TMEM132B: variants seen among roughly 807,000 people sequenced by gnomAD.
TMEM132B encodes the protein transmembrane protein 132B.
A neutral mutation model predicts 90.8 loss-of-function variants in TMEM132B; 18 were observed. That is an observed-to-expected ratio of 0.20 (90% confidence interval 0.14 to 0.29). The LOEUF (loss-of-function observed/expected upper bound fraction) is 0.29. TMEM132B is among the 10% of genes least tolerant of loss of function. The pLI, the probability that TMEM132B is intolerant of heterozygous loss-of-function variation, is 1.00. For synonymous variants in TMEM132B, 504 were observed against 523.3 expected, an observed-to-expected ratio of 0.96 and a Z score of 0.50; for missense variants, 1,096 against 1,326.8, an observed-to-expected ratio of 0.83 and a Z score of 2.70.
intron 1 of TMEM132B, among the ~76,000 whole-genome samples, chr12:125,312,507 G>A (rs1442688773): frequency 6.6e-6 from 1 of 152,208 alleles, no homozygotes; most frequent in African/African-American, 2.4e-5. Flanking sequence ...CTGTTGCTGG[G>A]GTGGCCCTCT....
At chr12:125,285,652 CAGA>C (rs1364384622) in intron 1 of TMEM132B, among the ~76,000 whole-genome samples, 2 of 152,206 alleles carry the variant, frequency 1.3e-5, no homozygotes, top group Non-Finnish European at 2.9e-5. Context: ...GTGGTTCCCA[CAGA>C]AGGAGTCCTA....
chr12:125,637,636 G>A (rs931602242), intron 5 of TMEM132B, among the ~76,000 whole-genome samples: 4 of 152,188 alleles, frequency 2.6e-5, no homozygotes, highest in East Asian at 1.9e-4. Context: ...GAGAAAAAAT[G>A]TTGCATTTCC....
In TMEM132B at chr12:125,212,319, G is replaced by A. The variant is rs116006953; in HGVS notation, c.67+25453G>A. Among the ~76,000 whole-genome samples the A allele has an allele frequency of 6.4e-3, 838 of 130,804 alleles. 5 individuals carry two copies. Among genetic ancestry groups the A allele is most frequent in the African/African-American group, 0.025 (815 of 32,428 alleles). 85.8% of individuals were successfully genotyped at this position (130,804 alleles called of 152,430 possible). A position where few individuals can be genotyped will look rare whatever the true frequency, so the allele number is the denominator to read the frequency against. On this transcript the variant is annotated intron_variant, in intron 1 of 8. Transcript: ENST00000682704. ...ACCTGGGTACTTTTCCTGTTTAGTC[G>A]CTCACATATTAATAAATTAATTAAT...
Position 125,519,596 on chromosome 12 carries a change from A to C in TMEM132B, c.1264A>C (p.Thr422Pro). ...VVSEIFVSQT[T>P]FVGIVPLAMD... Reference sequence around the variant, plus strand: ...CTCCGAGATCTTCGTCAGCCAGACAACCTTCGTGGGCATCGTCCCTCTTGC... The same window carrying C: ...CTCCGAGATCTTCGTCAGCCAGACACCCTTCGTGGGCATCGTCCCTCTTGC... The change falls in exon 4 of 9, where the codon ACC becomes CCC. Residue 422 changes from threonine (T) to proline (P), a missense_variant. Transcript: ENST00000682704. 6.2e-7 allele frequency: 1 copy of C among 1,614,116 alleles called. No individual in the cohort carries two copies. The highest frequency in any genetic ancestry group is 8.5e-7 in the Non-Finnish European group (1 of 1,180,032).
Position 125,661,410 on chromosome 12 carries a change from G to A in TMEM132B, c.*6700G>A, listed in dbSNP as rs1887202880. The A allele has an allele frequency of 6.6e-6, 1 of 152,110 alleles. No homozygotes were observed. Among genetic ancestry groups the A allele is most frequent in the Non-Finnish European group, 1.5e-5 (1 of 68,032 alleles). 9.4% of individuals were successfully genotyped at this position (152,110 alleles called of 1,614,324 possible). On this transcript the variant is annotated 3_prime_UTR_variant, in exon 9 of 9. Coordinates refer to ENST00000682704, the MANE Select transcript of TMEM132B (RefSeq NM_001366854.1). The stretch of plus-strand genomic sequence containing the variant: ...TCAGCCTTCTCATTTCATTAATCTG[G>A]TTGGTGACCGTTTCCATCGGGCACA...
intron 3 of TMEM132B, among the ~76,000 whole-genome samples, chr12:125,473,252 C>T (rs951151251): frequency 3.9e-5 from 6 of 152,210 alleles, no homozygotes; most frequent in Non-Finnish European, 8.8e-5. Context: ...GGGTCCCCCT[C>T]CTTCTATAGG....
chr12:125,630,587 A>C (rs926164316), intron 5 of TMEM132B, among the ~76,000 whole-genome samples: 2 of 152,054 alleles, frequency 1.3e-5, no homozygotes, highest in African/African-American at 4.8e-5. Flanking sequence ...TCAAAAAACC[A>C]ATTTTAGAAA....
At chr12:125,364,330 C>G (rs1402674919) in intron 2 of TMEM132B, among the ~76,000 whole-genome samples, 1 of 152,048 alleles carries the variant, frequency 6.6e-6, no homozygotes, top group African/African-American at 2.4e-5. Context: ...TTAAACATGA[C>G]AAAGTTAAAA....
At chr12:125,605,370 G>C (rs1363710647) in intron 5 of TMEM132B, among the ~76,000 whole-genome samples, 1 of 152,158 alleles carries the variant, frequency 6.6e-6, no homozygotes, top group African/African-American at 2.4e-5. Flanking sequence ...AAATAAGTTA[G>C]TGTTGGTGGC....
intron 1 of TMEM132B, among the ~76,000 whole-genome samples, chr12:125,324,342 T>C (rs1314084454): frequency 1.3e-5 from 2 of 152,194 alleles, no homozygotes; most frequent in Admixed American, 6.5e-5. Context: ...GTAGAATTAC[T>C]GCCTCCACGA....
In TMEM132B at chr12:125,653,853, G is replaced by A; in HGVS notation, c.2395G>A (p.Asp799Asn). ...NVKVKFEPSS[D>N]EHQGGSNDIE... The stretch of plus-strand genomic sequence containing the variant: ...CAAGGTCAAATTCGAACCAAGTAGT[G>A]ATGAGCACCAAGGAGGCAGCAATGA... Residue 799 changes from aspartate (D) to asparagine (N), a missense_variant, in exon 9 of 9, where the codon GAT (aspartate) becomes AAT (asparagine). Physicochemically the swap from Asp to Asn is conservative, Grantham distance 23. Transcript: ENST00000682704. 6.2e-7 allele frequency: 1 copy of A among 1,614,166 alleles called. No individual in the cohort carries two copies. Among genetic ancestry groups the A allele is most frequent in the Non-Finnish European group, 8.5e-7 (1 of 1,180,034 alleles).
intron 1 of TMEM132B, among the ~76,000 whole-genome samples, chr12:125,311,182 A>G (rs1370814079): frequency 1.3e-5 from 2 of 152,034 alleles, no homozygotes; most frequent in African/African-American, 4.8e-5. Flanking sequence ...TTTCTTACGG[A>G]TGCTCCTGGC....
At chr12:125,300,842 C>T (rs1408315315) in intron 1 of TMEM132B, 2 of 152,104 alleles carry the variant, frequency 1.3e-5, no homozygotes, top group African/African-American at 4.8e-5. Flanking sequence ...CTGGGCGAGC[C>T]TTGTTCCTTC....
intron 1 of TMEM132B, among the ~76,000 whole-genome samples, chr12:125,195,784 C>G (rs1351411968): frequency 2.0e-5 from 3 of 152,010 alleles, no homozygotes; most frequent in Admixed American, 6.6e-5. Context: ...AGGTGGCTAT[C>G]TTGGGAAGAG....
At chr12:125,323,256 T>C (rs1160748506) in intron 1 of TMEM132B, among the ~76,000 whole-genome samples, 2 of 152,042 alleles carry the variant, frequency 1.3e-5, no homozygotes, top group African/African-American at 4.8e-5. Flanking sequence ...GCCAAAATGG[T>C]GAAACCCTGT....
chr12:125,283,236 C>T (rs953573572), intron 1 of TMEM132B, among the ~76,000 whole-genome samples: 8 of 152,204 alleles, frequency 5.3e-5, no homozygotes, highest in Non-Finnish European at 8.8e-5. Context: ...GTTCTGGATT[C>T]GTACATATTA....
chr12:125,512,014 G>T (rs187203515), intron 3 of TMEM132B, among the ~76,000 whole-genome samples: 1 of 152,096 alleles, frequency 6.6e-6, no homozygotes, highest in African/African-American at 2.4e-5. Context: ...GCCATGTCCC[G>T]CCCTATGGAC....
intron 5 of TMEM132B, among the ~76,000 whole-genome samples, chr12:125,616,679 T>C (rs1885995500): frequency 6.6e-6 from 1 of 152,210 alleles, no homozygotes; most frequent in African/African-American, 2.4e-5. Context: ...ATGAAATATT[T>C]AGTTTCCTTC....
chr12:125,471,017 C>T lies in TMEM132B; in HGVS notation c.1107-48422C>T, dbSNP rs937607699. Among the ~76,000 whole-genome samples the T allele has an allele frequency of 5.9e-5, 9 of 152,240 alleles. 1 individual carries two copies. The highest frequency in any genetic ancestry group is 2.2e-4 in the African/African-American group (9 of 41,466). On this transcript the variant is annotated intron_variant, in intron 3 of 8. Transcript: ENST00000682704. Reference sequence around the variant, plus strand: ...CGTACCTCAACAACTTCCCTTGCAGCCCTGGGACAGCCGGGAGCTGGCCGG... The same window carrying T: ...CGTACCTCAACAACTTCCCTTGCAGTCCTGGGACAGCCGGGAGCTGGCCGG...
Sources: allele counts gnomAD v4.1 joint callset (sites outside exome capture counted in the v4.1 genomes callset), GRCh38; gene constraint gnomAD v4.1.1; transcripts MANE v1.5; gene names NCBI Gene and HGNC (gene_info 2026-07-23, HGNC 2026-07-21).